Variants in ZNF780A observed in about 807,000 individuals in gnomAD.
ZNF780A encodes the protein zinc finger protein 780A.
Under a neutral mutation model 56.7 loss-of-function variants are expected in ZNF780A, and 40 were observed. That is an observed-to-expected ratio of 0.71 (90% confidence interval 0.55 to 0.92). The LOEUF is 0.92. Ranked by LOEUF, ZNF780A falls within the 40% of genes least tolerant of loss-of-function variation. The pLI is 0.00. For synonymous variants in ZNF780A, 231 were observed against 248.3 expected, an observed-to-expected ratio of 0.93 and a Z score of 0.66; for missense variants, 672 against 783.3, an observed-to-expected ratio of 0.86 and a Z score of 1.70.
In ZNF780A at chr19:40,075,076, A is replaced by G. The variant is rs1974026120; in HGVS notation, c.1366T>C (p.Tyr456His). 6.2e-7 allele frequency: 1 copy of G among 1,614,158 alleles called. No individual in the cohort carries two copies. Among genetic ancestry groups the G allele is most frequent in the South Asian group, 1.1e-5 (1 of 91,076 alleles). Reference protein sequence around the residue: ...VCRECEMAFRYHCQLIEHSRI... With the variant: ...VCRECEMAFRHHCQLIEHSRI... ...GAATGTTCAATAAGTTGGCAATGAT[A>G]TCTAAAGGCCATCTCACATTCCCTA... Residue 456 changes from tyrosine to histidine, a missense_variant, in exon 6 of 6, where the codon TAT (tyrosine) becomes CAT (histidine). Coordinates refer to ENST00000683561, the MANE Select transcript of ZNF780A (RefSeq NM_001142578.2).
At chr19:40,082,760 C>T (rs971326209) in intron 4 of ZNF780A, among the ~76,000 whole-genome samples, 2 of 152,010 alleles carry the variant, frequency 1.3e-5, no homozygotes, top group Admixed American at 1.3e-4. Context: ...CAAAAACAAA[C>T]CAACAAACAG....
At chr19:40,080,572 G>A (rs1236739279) in intron 5 of ZNF780A, among the ~76,000 whole-genome samples, 1 of 152,124 alleles carries the variant, frequency 6.6e-6, no homozygotes, top group Non-Finnish European at 1.5e-5. Context: ...ATTAATTAAG[G>A]AACAGAAAAC....
chr19:40,085,609 C>A (rs1156898768), intron 2 of ZNF780A, among the ~76,000 whole-genome samples: 4 of 152,064 alleles, frequency 2.6e-5, no homozygotes, highest in Non-Finnish European at 5.9e-5. Flanking sequence ...TGGCCGGGCA[C>A]GGTGGCTCAC....
intron 5 of ZNF780A, among the ~76,000 whole-genome samples, chr19:40,081,609 A>G (rs1974482672): frequency 1.3e-5 from 2 of 152,108 alleles, no homozygotes; most frequent in South Asian, 2.1e-4. Context: ...ATAAGAGAAC[A>G]GAAATTAGGT....
chr19:40,079,594 A>C (rs1974356439), intron 5 of ZNF780A, among the ~76,000 whole-genome samples: 1 of 152,200 alleles, frequency 6.6e-6, no homozygotes, highest in South Asian at 2.1e-4. Context: ...GTTAGGATGC[A>C]ATTCTTAACA....
At chr19:40,085,042 C>T in intron 2 of ZNF780A, 1 of 773,638 alleles carries the variant, frequency 1.3e-6, no homozygotes, top group Non-Finnish European at 1.6e-6. Flanking sequence ...AGCATGAATG[C>T]CGAGCACAGG....
chr19:40,083,434 A>T (rs1178508053), intron 3 of ZNF780A, among the ~76,000 whole-genome samples, 197 bp from the exon 4 acceptor site: 1 of 152,108 alleles, frequency 6.6e-6, no homozygotes, highest in Non-Finnish European at 1.5e-5. Flanking sequence ...GGAGGCAGAG[A>T]TAGGAGGATT....
At chr19:40,088,124 A>T (rs1974921565) in intron 2 of ZNF780A, among the ~76,000 whole-genome samples, 1 of 152,150 alleles carries the variant, frequency 6.6e-6, no homozygotes, top group Non-Finnish European at 1.5e-5. Flanking sequence ...TTGGGATATG[A>T]CCTCAAAAGC....
chr19:40,077,561 T>C (rs1974213698), intron 5 of ZNF780A, among the ~76,000 whole-genome samples: 1 of 151,922 alleles, frequency 6.6e-6, no homozygotes, highest in Non-Finnish European at 1.5e-5. Context: ...CCAGGCCCCA[T>C]CTCCAACACT....
chr19:40,072,163 C>T (rs149020307), downstream of ZNF780A: 376 of 241,572 alleles, frequency 1.6e-3, 1 homozygote, highest in East Asian at 1.0e-2. Flanking sequence ...ACCCCTGGAC[C>T]GGCCTGCTAG....
At chr19:40,081,980 G>A (rs1974507885) in intron 4 of ZNF780A, 66 bp from the exon 5 acceptor site, 5 of 1,138,854 alleles carry the variant, frequency 4.4e-6, no homozygotes, top group Non-Finnish European at 5.1e-6. Context: ...AAATCTTTGT[G>A]ACCTGCTTAA....
At chr19:40,082,352 G>A (rs1389737846) in intron 4 of ZNF780A, among the ~76,000 whole-genome samples, 4 of 152,134 alleles carry the variant, frequency 2.6e-5, no homozygotes, top group Admixed American at 2.0e-4. Flanking sequence ...AACATTGCCT[G>A]ATGTACAGTA....
chr19:40,071,262 T>A (rs375815503), downstream of ZNF780A: 3 of 152,302 alleles, frequency 2.0e-5, no homozygotes, highest in South Asian at 6.2e-4. Flanking sequence ...AAAAAGTTAA[T>A]CTCTCTAATT....
In ZNF780A at chr19:40,081,943, T is replaced by A. The variant is rs756756859; in HGVS notation, c.137-29A>T. 1.9e-6 allele frequency: 3 copies of A among 1,541,936 alleles called. No individual in the cohort carries two copies. The Admixed American group carries it at 6.0e-5, about 31-fold the overall frequency. On this transcript the variant is annotated intron_variant, in intron 4 of 5. Transcript: ENST00000683561. ...CTTAAAAGAAACGACACATGTAGAATTTTTTTAATACAGATTTTTTTTTTT... is the reference window on the plus strand; with the variant it reads ...CTTAAAAGAAACGACACATGTAGAAATTTTTTAATACAGATTTTTTTTTTT...
downstream of ZNF780A, chr19:40,072,780 G>C: frequency 7.3e-7 from 1 of 1,379,052 alleles, no homozygotes; most frequent in Non-Finnish European, 9.4e-7. Context: ...AGAATTATAA[G>C]CTAGGGCTTA....
Position 40,073,251 on chromosome 19 carries a change from C to A in ZNF780A, c.*1265G>T. 2.4e-6 allele frequency: 1 copy of A among 422,060 alleles called. No homozygotes were observed. The highest frequency in any genetic ancestry group is 3.5e-6 in the Non-Finnish European group (1 of 288,948). 26.1% of individuals were successfully genotyped at this position (422,060 alleles called of 1,614,324 possible). A position where few individuals can be genotyped will look rare whatever the true frequency, so the allele number is the denominator to read the frequency against. On this transcript the variant is annotated 3_prime_UTR_variant, in exon 6 of 6. Transcript: ENST00000683561. ...TTCTTTCAAAACCCACAACAAGTATCAACTAGGTTTACCATCTTTTATGGG... is the reference window on the plus strand; with the variant it reads ...TTCTTTCAAAACCCACAACAAGTATAAACTAGGTTTACCATCTTTTATGGG...
At chr19:40,073,032 A>G (rs1568440971), downstream of ZNF780A, 12 of 1,497,212 alleles carry the variant, frequency 8.0e-6, 1 homozygote, top group South Asian at 1.4e-4. Context: ...AACGGTAATT[A>G]TGGTACAATG....
In ZNF780A at chr19:40,073,476, C is replaced by A. The variant is rs1973911823; in HGVS notation, c.*1040G>T. The A allele has an allele frequency of 1.0e-6, 1 of 978,152 alleles. No individual in the cohort carries two copies. Among genetic ancestry groups the A allele is most frequent in the Non-Finnish European group, 1.2e-6 (1 of 823,468 alleles). 60.6% of individuals were successfully genotyped at this position (978,152 alleles called of 1,614,324 possible). A position where few individuals can be genotyped will look rare whatever the true frequency, so the allele number is the denominator to read the frequency against. ...TTGCTCACCACAGGGTTGCCACAAACCTTCAGTTTGTATAAAACACAATAA... is the reference window on the plus strand; with the variant it reads ...TTGCTCACCACAGGGTTGCCACAAAACTTCAGTTTGTATAAAACACAATAA... On this transcript the variant is annotated 3_prime_UTR_variant, in exon 6 of 6. Transcript: ENST00000683561.
chr19:40,073,047 T>C lies in ZNF780A; in HGVS notation c.*1469A>G, dbSNP rs1164155010. On this transcript the variant is annotated 3_prime_UTR_variant, in exon 6 of 6. Coordinates refer to ENST00000683561, the MANE Select transcript of ZNF780A (RefSeq NM_001142578.2). ...AACGGTAATTATGGTACAATGGCTA[T>C]ATGATATTGTCTATATTGTCTTCAT... 1.4e-6 allele frequency: 2 copies of C among 1,463,388 alleles called. No homozygotes were observed. The highest frequency in any genetic ancestry group is 1.5e-5 in the South Asian group (1 of 68,510). The allele number at this position is 1,463,388 out of a possible 1,614,324, so 90.7% of individuals were successfully genotyped here. A position where few individuals can be genotyped will look rare whatever the true frequency, so the allele number is the denominator to read the frequency against.
Sources: allele counts gnomAD v4.1 joint callset (sites outside exome capture counted in the v4.1 genomes callset), GRCh38; gene constraint gnomAD v4.1.1; transcripts MANE v1.5; gene names NCBI Gene and HGNC (gene_info 2026-07-23, HGNC 2026-07-21).